MAP7: variants seen among roughly 807,000 people sequenced by gnomAD.
The protein encoded by MAP7 is microtubule associated protein 7.
A neutral mutation model predicts 94.8 loss-of-function variants in MAP7; 52 were observed. That is an observed-to-expected ratio of 0.55 (90% CI 0.44 to 0.69). The LOEUF is 0.69. Ranked by LOEUF, MAP7 falls within the 30% of genes least tolerant of loss-of-function variation. The pLI, the probability that MAP7 is intolerant of heterozygous loss-of-function variation, is 0.00. For synonymous variants in MAP7, 350 were observed against 357.0 expected, an observed-to-expected ratio of 0.98 and a Z score of 0.22; for missense variants, 940 against 964.6, an observed-to-expected ratio of 0.97 and a Z score of 0.34.
chr6:136,411,521 T>A, intron 3 of MAP7, 99 bp downstream of exon 3: 1 of 988,130 alleles, frequency 1.0e-6, no homozygotes, highest in South Asian at 1.5e-5. Flanking sequence ...AAATTCTGCC[T>A]CATAGTCCAT....
chr6:136,367,899 CA>C (rs1211240431), intron 8 of MAP7, among the ~76,000 whole-genome samples: 1 of 150,862 alleles, frequency 6.6e-6, no homozygotes, highest in Non-Finnish European at 1.5e-5. Flanking sequence ...TTCTTTTTCT[CA>C]AAACATTTTG....
intron 1 of MAP7, among the ~76,000 whole-genome samples, chr6:136,517,544 T>C (rs1427183384): frequency 6.6e-6 from 1 of 152,256 alleles, no homozygotes; most frequent in Admixed American, 6.5e-5. Context: ...TAAGTGCTTG[T>C]GTATTCTCTC....
intron 1 of MAP7, among the ~76,000 whole-genome samples, chr6:136,482,710 T>C: frequency 6.6e-6 from 1 of 151,504 alleles, no homozygotes; most frequent in East Asian, 1.9e-4. Context: ...ATAAAGAAAA[T>C]GGGCACTGTC....
At chr6:136,369,998 G>A (rs961856234) in intron 8 of MAP7, among the ~76,000 whole-genome samples, 3 of 152,064 alleles carry the variant, frequency 2.0e-5, no homozygotes, top group African/African-American at 4.8e-5. Flanking sequence ...GGCAACCTAT[G>A]GAATAGAAGA....
intron 15 of MAP7, among the ~76,000 whole-genome samples, chr6:136,357,563 C>T (rs568396267): frequency 4.9e-4 from 74 of 152,230 alleles, no homozygotes; most frequent in African/African-American, 1.6e-3. Context: ...GGTGTGATCA[C>T]GGCTCACTAC....
chr6:136,487,959 C>A lies in MAP7; in HGVS notation c.67+62383G>T, dbSNP rs3778310. Among the ~76,000 whole-genome samples the A allele has an allele frequency of 2.6e-5, 4 of 152,154 alleles. No individual in the cohort carries two copies. The East Asian group carries it at 7.7e-4, about 29-fold the overall frequency. On this transcript the variant is annotated intron_variant, in intron 1 of 17. Coordinates refer to ENST00000354570, the MANE Select transcript of MAP7 (RefSeq NM_003980.6). ...GTCATACTTATTCTGGGAAAAGGGC[C>A]TCTCAAAAAATTTCAAAAGGACAGT... is the stretch of plus-strand genomic sequence containing the variant.
At chr6:136,383,804 T>C (rs766728761) in intron 5 of MAP7, 23 bp from the exon 6 acceptor site, 1 of 1,400,838 alleles carries the variant, frequency 7.1e-7, no homozygotes, top group Admixed American at 1.7e-5. Flanking sequence ...GAGATAATGC[T>C]AATTGACAGC....
intron 1 of MAP7, among the ~76,000 whole-genome samples, chr6:136,425,037 C>T (rs1555055): frequency 0.84 from 126,745 of 151,738 alleles, 53,024 homozygotes; most frequent in Middle Eastern, 0.87. Flanking sequence ...CCTGACCATA[C>T]ATACGCTATG....
intron 1 of MAP7, among the ~76,000 whole-genome samples, chr6:136,491,190 C>T (rs535484121): frequency 1.3e-5 from 2 of 152,208 alleles, no homozygotes; most frequent in African/African-American, 4.8e-5. Context: ...AAAAATTACA[C>T]CATAAGAGAC....
intron 1 of MAP7, among the ~76,000 whole-genome samples, chr6:136,508,214 A>G (rs1196497628): frequency 3.9e-5 from 6 of 151,980 alleles, no homozygotes; most frequent in Non-Finnish European, 8.8e-5. Context: ...ACTCTCAGCT[A>G]CATGGGAGGC....
At chr6:136,495,659 C>T (rs1224556051) in intron 1 of MAP7, among the ~76,000 whole-genome samples, 1 of 151,958 alleles carries the variant, frequency 6.6e-6, no homozygotes, top group Non-Finnish European at 1.5e-5. Flanking sequence ...AAAATGTATT[C>T]CTGATAGGTA....
intron 1 of MAP7, among the ~76,000 whole-genome samples, chr6:136,505,906 A>G (rs1821367391): frequency 6.6e-6 from 1 of 152,214 alleles, no homozygotes; most frequent in Non-Finnish European, 1.5e-5. Flanking sequence ...ACCATTAGAC[A>G]TTGCCTGTGA....
intron 3 of MAP7, among the ~76,000 whole-genome samples, chr6:136,401,486 A>G (rs934034536): frequency 1.3e-5 from 2 of 152,258 alleles, no homozygotes; most frequent in Non-Finnish European, 2.9e-5. Context: ...TTGTAGGGAC[A>G]TGGATAAAGC....
intron 8 of MAP7, among the ~76,000 whole-genome samples, chr6:136,370,836 C>T (rs559745895): frequency 1.3e-5 from 2 of 151,030 alleles, no homozygotes; most frequent in African/African-American, 4.9e-5. Context: ...ATTGGTTGCA[C>T]TTCAATATGA....
At chr6:136,518,566 T>C (rs924410741) in intron 1 of MAP7, among the ~76,000 whole-genome samples, 1 of 152,208 alleles carries the variant, frequency 6.6e-6, no homozygotes, top group African/African-American at 2.4e-5. Flanking sequence ...ATATAACATA[T>C]GGAAGGTGCA....
chr6:136,444,950 T>C (rs1455356280), intron 1 of MAP7, among the ~76,000 whole-genome samples: 5 of 152,210 alleles, frequency 3.3e-5, no homozygotes, highest in Admixed American at 2.0e-4. Context: ...TGCTACTCTC[T>C]ACTCTGTAGA....
intron 1 of MAP7, among the ~76,000 whole-genome samples, chr6:136,534,118 G>C (rs1281670843): frequency 6.6e-6 from 1 of 152,208 alleles, no homozygotes; most frequent in Non-Finnish European, 1.5e-5. Context: ...TTGAGGGTGA[G>C]TGTATCAGTG....
At chr6:136,435,453 A>C (rs1315055687) in intron 1 of MAP7, among the ~76,000 whole-genome samples, 2 of 152,232 alleles carry the variant, frequency 1.3e-5, no homozygotes, top group African/African-American at 4.8e-5. Flanking sequence ...TCAAATGTGA[A>C]TAGATCTCAT....
intron 1 of MAP7, among the ~76,000 whole-genome samples, chr6:136,482,941 G>A (rs1813365289): frequency 6.6e-6 from 1 of 152,092 alleles, no homozygotes; most frequent in Admixed American, 6.6e-5. Flanking sequence ...TGCAGATGTT[G>A]TATGCAGTGT....
Sources: gnomAD v4.1 joint callset for allele counts (sites outside exome capture counted in the v4.1 genomes callset) on GRCh38, gnomAD v4.1.1 for gene constraint, MANE v1.5 for transcripts, NCBI Gene and HGNC (gene_info 2026-07-23, HGNC 2026-07-21) for gene names.